Variants in SCN3A observed in about 807,000 individuals in gnomAD.
SCN3A encodes the protein sodium voltage-gated channel alpha subunit 3.
A neutral mutation model predicts 187.6 loss-of-function variants in SCN3A; 60 were observed. The observed-to-expected ratio is 0.32, with a 90% confidence interval of 0.26 to 0.40. The LOEUF is 0.40. Among genes scored for constraint, SCN3A ranks in the 10% least tolerant of loss-of-function variants. The pLI is 1.00. For missense variants in SCN3A, 1,601 were observed against 2,428.2 expected, an observed-to-expected ratio of 0.66 and a Z score of 7.16; for synonymous variants, 788 against 829.2, an observed-to-expected ratio of 0.95 and a Z score of 0.85.
rs1689934718 is a variant in SCN3A, at chr2:165,168,831, T to C, written c.384-6A>G. ...TGATAAGCATGCTGAATAAAGTAGA[T>C]TATAGTTAAGGAATAAATGTTAGTA... On this transcript the variant is annotated splice_region_variant and splice_polypyrimidine_tract_variant and intron_variant, in intron 4 of 27. Coordinates refer to ENST00000283254, the MANE Select transcript of SCN3A (RefSeq NM_006922.4). The C allele has an allele frequency of 1.2e-6, 2 of 1,600,044 alleles. No individual in the cohort carries two copies. Among genetic ancestry groups the C allele is most frequent in the Non-Finnish European group, 1.7e-6 (2 of 1,167,564 alleles).
In SCN3A at chr2:165,089,886, C is replaced by T; in HGVS notation, c.*264G>A. 3 of 478,114 alleles carry T rather than the reference C, an allele frequency of 6.3e-6. No homozygotes were observed. The South Asian group carries it at 7.1e-5, about 11-fold the overall frequency. 29.6% of individuals were successfully genotyped at this position (478,114 alleles called of 1,614,324 possible). A position where few individuals can be genotyped will look rare whatever the true frequency, so the allele number is the denominator to read the frequency against. On this transcript the variant is annotated 3_prime_UTR_variant, in exon 28 of 28. Transcript: ENST00000283254. The stretch of plus-strand genomic sequence containing the variant: ...ACAATGTTCACTTTGCACAACTATC[C>T]CTATAGTCTAGGTAGCCATTGGGTT...
At chr2:165,151,718 A>G (rs1010257107) in intron 11 of SCN3A, among the ~76,000 whole-genome samples, 9 of 152,166 alleles carry the variant, frequency 5.9e-5, no homozygotes, top group African/African-American at 2.2e-4. Flanking sequence ...ACAGGGTACC[A>G]CAGAGGAGAG....
In SCN3A at chr2:165,113,065, A is replaced by G. The variant is rs1686197324; in HGVS notation, c.3670-7T>C. On this transcript the variant is annotated splice_polypyrimidine_tract_variant and splice_region_variant and intron_variant, in intron 20 of 27. Coordinates refer to ENST00000283254, the MANE Select transcript of SCN3A (RefSeq NM_006922.4). ...TGTATATATCTTCAAAGGCCTATGA[A>G]TCAAAAATATTTTATTTTACTTAAA... 3 of 1,606,296 alleles carry G rather than the reference A, an allele frequency of 1.9e-6. No individual in the cohort carries two copies. Among genetic ancestry groups the G allele is most frequent in the Non-Finnish European group, 2.6e-6 (3 of 1,174,614 alleles).
intron 3 of SCN3A, among the ~76,000 whole-genome samples, chr2:165,171,917 G>A (rs896634986): frequency 2.6e-5 from 4 of 152,006 alleles, no homozygotes; most frequent in East Asian, 1.9e-4. Context: ...TTAATTAAAT[G>A]TGGGTTTACC....
intron 15 of SCN3A, among the ~76,000 whole-genome samples, chr2:165,131,741 TCCCTCCC>T (rs1197441218): frequency 1.5e-5 from 2 of 130,440 alleles, no homozygotes; most frequent in Non-Finnish European, 3.2e-5. Context: ...CCTAATGCTA[TCCCTCCC>T]CCCTCCCCCG....
At chr2:165,116,032 T>C (rs1258347960) in intron 18 of SCN3A, among the ~76,000 whole-genome samples, 1 of 152,172 alleles carries the variant, frequency 6.6e-6, no homozygotes, top group Non-Finnish European at 1.5e-5. Context: ...ATATTACCAG[T>C]TGTTTCTAAG....
chr2:165,098,030 G>C (rs967774928), intron 22 of SCN3A, among the ~76,000 whole-genome samples: 1 of 152,132 alleles, frequency 6.6e-6, no homozygotes, highest in East Asian at 1.9e-4. Flanking sequence ...GAATTTACTG[G>C]GTCCCTTTTT....
intron 2 of SCN3A, among the ~76,000 whole-genome samples, chr2:165,186,181 A>AATGGC (rs1691223866): frequency 1.3e-5 from 2 of 152,040 alleles, no homozygotes; most frequent in Admixed American, 1.3e-4. Flanking sequence ...GAGGCAGGAG[A>AATGGC]ATGGCGTGAA....
intron 19 of SCN3A, among the ~76,000 whole-genome samples, chr2:165,114,643 G>A (rs1260444257): frequency 6.6e-6 from 1 of 152,162 alleles, no homozygotes; most frequent in African/African-American, 2.4e-5. Flanking sequence ...ACATTGTGCT[G>A]CTTTCTGTGA....
chr2:165,105,313 C>T (rs1685795596), intron 21 of SCN3A, among the ~76,000 whole-genome samples: 1 of 152,142 alleles, frequency 6.6e-6, no homozygotes, highest in Non-Finnish European at 1.5e-5. Context: ...TGCAACACCA[C>T]AGATGTCTCT....
At chr2:165,129,518 T>C (rs1165176733) in intron 17 of SCN3A, among the ~76,000 whole-genome samples, 1 of 152,202 alleles carries the variant, frequency 6.6e-6, no homozygotes, top group Non-Finnish European at 1.5e-5. Context: ...GCAAACTACA[T>C]GAACTATGAA....
intron 12 of SCN3A, among the ~76,000 whole-genome samples, chr2:165,144,921 G>C (rs140675719): frequency 1.4e-3 from 214 of 152,184 alleles, no homozygotes; most frequent in Non-Finnish European, 2.5e-3. Flanking sequence ...ATTTATTTGA[G>C]CAAAATGATG....
intron 14 of SCN3A, among the ~76,000 whole-genome samples, chr2:165,139,008 A>T (rs1480880946): frequency 6.6e-6 from 1 of 152,150 alleles, no homozygotes; most frequent in Non-Finnish European, 1.5e-5. Flanking sequence ...TATGTAGAAG[A>T]TGGAAGAGAG....
chr2:165,092,440 C>A lies in SCN3A; in HGVS notation c.4621G>T (p.Val1541Phe). 6.2e-7 allele frequency: 1 copy of A among 1,613,918 alleles called. No individual in the cohort carries two copies. Among genetic ancestry groups the A allele is most frequent in the Non-Finnish European group, 8.5e-7 (1 of 1,179,922 alleles). ...SIMILICLNM[V>F]TMMVETDDQG... is the part of the protein sequence containing the mutation. The stretch of plus-strand genomic sequence containing the variant: ...TCATCCGTTTCCACCATCATGGTGA[C>A]CATGTTGAGGCAGATGAGGATCATG... Residue 1541 changes from valine (V) to phenylalanine (F), a missense_variant, in exon 27 of 28, where the codon GTC becomes TTC. Physicochemically the swap from Val to Phe is conservative, Grantham distance 50. Around this residue, in one of 11 missense-constraint regions of SCN3A, gnomAD observed 320 missense variants for 623.2 expected, o/e 0.51. Coordinates refer to ENST00000283254, the MANE Select transcript of SCN3A (RefSeq NM_006922.4). This position sits in a 1 kb window ranked among gnomAD's most constrained non-coding sequence, Gnocchi z 4.2.
intron 9 of SCN3A, among the ~76,000 whole-genome samples, chr2:165,161,776 A>G (rs1200425889): frequency 6.6e-6 from 1 of 152,234 alleles, no homozygotes; most frequent in Non-Finnish European, 1.5e-5. Context: ...CATTATGTCA[A>G]CTGATACTTG....
chr2:165,090,512 A>G lies in SCN3A; in HGVS notation c.5641T>C (p.Ser1881Pro). 1 of 1,614,016 alleles carries G rather than the reference A, an allele frequency of 6.2e-7. No homozygotes were observed. The highest frequency in any genetic ancestry group is 1.3e-5 in the African/African-American group (1 of 75,020). The change falls in exon 28 of 28, where the codon TCA becomes CCA. Residue 1881 changes from serine (S) to proline (P), a missense_variant. By Grantham distance (74) the Ser-to-Pro change is moderately conservative. Coordinates refer to ENST00000283254, the MANE Select transcript of SCN3A (RefSeq NM_006922.4). The surrounding 1 kb of genome is among the most constrained non-coding windows in gnomAD (Gnocchi z 4.0). ...TCATAAGAGACTTTGGAGGGGTTTG[A>G]TGCCATAAACCTGTCTTCCATCTGT... ...RIQMEDRFMA[S>P]NPSKVSYEPI...
intron 19 of SCN3A, 70 bp from the exon 20 acceptor site, chr2:165,114,040 C>T (rs1181519034): frequency 2.1e-6 from 2 of 950,132 alleles, no homozygotes; most frequent in Non-Finnish European, 3.1e-6. Flanking sequence ...ACTTTCTTGC[C>T]CCTTCCCCAC....
chr2:165,118,911 C>T (rs1302102809), intron 18 of SCN3A, among the ~76,000 whole-genome samples: 2 of 152,078 alleles, frequency 1.3e-5, no homozygotes, highest in Non-Finnish European at 2.9e-5. Context: ...TACAGGCGCC[C>T]GCCACCATGA....
In SCN3A at chr2:165,131,425, A is replaced by G. The variant is rs1247656209; in HGVS notation, c.2392-8T>C. On this transcript the variant is annotated splice_polypyrimidine_tract_variant and splice_region_variant and intron_variant, in intron 15 of 27. Transcript: ENST00000283254. The stretch of plus-strand genomic sequence containing the variant: ...GAAAATCCCAGTAAAGACCTAAAAA[A>G]TAGAGATCAGCACTACTTCAAGAGC... 7 of 1,601,872 alleles carry G rather than the reference A, an allele frequency of 4.4e-6. No homozygotes were observed. Among genetic ancestry groups the G allele is most frequent in the Non-Finnish European group, 5.1e-6 (6 of 1,172,398 alleles).
Sources: gnomAD v4.1 joint callset for allele counts (sites outside exome capture counted in the v4.1 genomes callset) on GRCh38, gnomAD v4.1.1 for gene constraint, gnomAD v4.1.1 regional missense constraint, Gnocchi (gnomAD v3.1) non-coding constraint, MANE v1.5 for transcripts, NCBI Gene and HGNC (gene_info 2026-07-23, HGNC 2026-07-21) for gene names.